Variants in PTPN9 observed in about 807,000 individuals in gnomAD.
The protein encoded by PTPN9 is protein tyrosine phosphatase non-receptor type 9, also known as tyrosine-protein phosphatase non-receptor type 9.
PTPN9 carries 26 observed loss-of-function variants against 69.8 expected under a neutral mutation model. That is an observed-to-expected ratio of 0.37 (90% CI 0.27 to 0.52). PTPN9 has a LOEUF of 0.52. Among genes scored for constraint, PTPN9 ranks in the 20% least tolerant of loss-of-function variants. The probability of loss-of-function intolerance (pLI) is 0.91; values close to 1 mark genes in which losing one functional copy is unlikely to be tolerated. For missense variants in PTPN9, 549 were observed against 740.3 expected (o/e 0.74, Z 3.00); for synonymous variants, 274 against 272.5 (o/e 1.01, Z -0.05).
At chr15:75,490,044 A>T (rs2074700086) in intron 8 of PTPN9, among the ~76,000 whole-genome samples, 164 bp downstream of exon 8, 1 of 152,214 alleles carries the variant, frequency 6.6e-6, no homozygotes, top group East Asian at 1.9e-4. Flanking sequence ...GCATTTGAGG[A>T]CTTGCCTATG....
At chr15:75,560,390 T>G (rs2075099272) in intron 1 of PTPN9, among the ~76,000 whole-genome samples, 1 of 152,142 alleles carries the variant, frequency 6.6e-6, no homozygotes, top group African/African-American at 2.4e-5. Context: ...TTTCTTCATT[T>G]TTGGGGTTTT....
At chr15:75,552,885 A>G (rs1414026861) in intron 1 of PTPN9, among the ~76,000 whole-genome samples, 1 of 150,936 alleles carries the variant, frequency 6.6e-6, no homozygotes, top group African/African-American at 2.4e-5. Flanking sequence ...TAAGAGAACA[A>G]ATATATGGTA....
At chr15:75,480,020 T>C in intron 8 of PTPN9, 106 bp from the exon 9 acceptor site, 2 of 734,398 alleles carry the variant, frequency 2.7e-6, no homozygotes, top group Non-Finnish European at 4.4e-6. Flanking sequence ...ATTCTCTTCT[T>C]GTTGAGCAGA....
At chr15:75,534,878 C>T (rs1330539451) in intron 1 of PTPN9, among the ~76,000 whole-genome samples, 1 of 151,274 alleles carries the variant, frequency 6.6e-6, no homozygotes, top group South Asian at 2.1e-4. Context: ...GAGGCTGATG[C>T]GGGAGAATAG....
chr15:75,473,866 T>A, intron 9 of PTPN9, 99 bp from the exon 10 acceptor site: 1 of 874,358 alleles, frequency 1.1e-6, no homozygotes, highest in East Asian at 2.4e-5. Flanking sequence ...CTCCAAACCA[T>A]AGATGGTTAG....
chr15:75,472,573 C>G (rs2074573629), intron 10 of PTPN9, among the ~76,000 whole-genome samples: 1 of 151,850 alleles, frequency 6.6e-6, no homozygotes, highest in Non-Finnish European at 1.5e-5. Flanking sequence ...GGCAACAGAT[C>G]ACGAGGTCAG....
chr15:75,578,113 C>T (rs2075182094), intron 1 of PTPN9, among the ~76,000 whole-genome samples: 1 of 152,062 alleles, frequency 6.6e-6, no homozygotes. Context: ...AGATGCGCCC[C>T]GTCTGGGATA....
intron 1 of PTPN9, among the ~76,000 whole-genome samples, chr15:75,560,734 T>C (rs1364519769): frequency 6.6e-6 from 1 of 152,092 alleles, no homozygotes; most frequent in Admixed American, 6.6e-5. Flanking sequence ...TGTTAATTAC[T>C]TTAAAGCCAG....
intron 1 of PTPN9, among the ~76,000 whole-genome samples, chr15:75,534,486 C>A (rs771922813): frequency 5.3e-5 from 8 of 151,984 alleles, no homozygotes; most frequent in Non-Finnish European, 1.2e-4. Context: ...CCAGCCTGGG[C>A]AACATGGTGA....
intron 6 of PTPN9, among the ~76,000 whole-genome samples, chr15:75,507,081 T>C (rs1318052252): frequency 2.0e-5 from 3 of 152,196 alleles, no homozygotes; most frequent in African/African-American, 7.2e-5. Flanking sequence ...AGTTTATACA[T>C]GCATGTATAA....
intron 1 of PTPN9, among the ~76,000 whole-genome samples, chr15:75,541,823 C>T (rs2075009972): frequency 6.6e-6 from 1 of 151,738 alleles, no homozygotes. Flanking sequence ...TCTCCTGCCT[C>T]AGCCTCCTGA....
intron 1 of PTPN9, among the ~76,000 whole-genome samples, chr15:75,527,862 A>G (rs866365688): frequency 6.6e-6 from 1 of 152,096 alleles, no homozygotes; most frequent in African/African-American, 2.4e-5. Context: ...CTCAAAAAAA[A>G]AAAGAAAGAA....
At chr15:75,551,740 C>A (rs1199429621) in intron 1 of PTPN9, among the ~76,000 whole-genome samples, 2 of 152,028 alleles carry the variant, frequency 1.3e-5, no homozygotes, top group African/African-American at 2.4e-5. Flanking sequence ...GTCTGACTTA[C>A]AATTTTTTGA....
intron 8 of PTPN9, among the ~76,000 whole-genome samples, chr15:75,482,157 C>T (rs1246518251): frequency 6.6e-6 from 1 of 151,612 alleles, no homozygotes; most frequent in Non-Finnish European, 1.5e-5. Flanking sequence ...TGTGACCTTA[C>T]CCCCAACCCT....
In PTPN9 at chr15:75,482,089, G is replaced by A. The variant is rs2074640056; in HGVS notation, c.1063-2175C>T. On this transcript the variant is annotated intron_variant, in intron 8 of 12. Coordinates refer to ENST00000618819, the MANE Select transcript of PTPN9 (RefSeq NM_002833.4). ...TGTGTAGAAAGAAGTAGACATGGGAGACTTTTCATTTTGTTCTGCACTAAG... is the reference window on the plus strand; with the variant it reads ...TGTGTAGAAAGAAGTAGACATGGGAAACTTTTCATTTTGTTCTGCACTAAG... 1.3e-5 allele frequency among the ~76,000 whole-genome samples: 2 copies of A among 150,986 alleles called. 1 individual carries two copies. Among genetic ancestry groups the A allele is most frequent in the Admixed American group, 1.3e-4 (2 of 15,148 alleles).
intron 5 of PTPN9, 141 bp downstream of exon 5, chr15:75,517,118 T>G: frequency 8.9e-6 from 5 of 563,748 alleles, no homozygotes; most frequent in Non-Finnish European, 1.5e-5. Context: ...AAGCAGAGAG[T>G]AGTCATCATT....
intron 1 of PTPN9, among the ~76,000 whole-genome samples, chr15:75,549,573 TA>T (rs2075048047): frequency 6.6e-6 from 1 of 152,012 alleles, no homozygotes; most frequent in Non-Finnish European, 1.5e-5. Flanking sequence ...GTACAGATGT[TA>T]AAAGGCCACT....
At chr15:75,470,970 AGAAAG>A in intron 10 of PTPN9, 140 bp from the exon 11 acceptor site, 1 of 1,055,652 alleles carries the variant, frequency 9.5e-7, no homozygotes, top group Non-Finnish European at 1.3e-6. Context: ...GATTCTCAGC[AGAAAG>A]GAAAGGAAAC....
At position 75,479,657 on chromosome 15, in the gene PTPN9, A is replaced by G. The variant is rs185021637; in HGVS notation, c.1129+191T>C. Among the ~76,000 whole-genome samples, 320 of 152,254 alleles carry G rather than the reference A, an allele frequency of 2.1e-3. 5 individuals carry two copies. Among genetic ancestry groups the G allele is most frequent in the Admixed American group, 0.019 (290 of 15,286 alleles). ...ATCTCTATGCGGTGAGTTTCCAGGC[A>G]CACCTGGTACAGAAACCCCAAACTA... On this transcript the variant is annotated intron_variant, in intron 9 of 12. Transcript: ENST00000618819.
Sources: allele counts gnomAD v4.1 joint callset (sites outside exome capture counted in the v4.1 genomes callset), GRCh38; gene constraint gnomAD v4.1.1; transcripts MANE v1.5; gene names NCBI Gene and HGNC (gene_info 2026-07-23, HGNC 2026-07-21).